ATP7B: variants seen among roughly 807,000 people sequenced by gnomAD.
The protein encoded by ATP7B is ATPase copper transporting beta.
ATP7B carries 113 observed loss-of-function variants against 118.9 expected under a neutral mutation model. That is an observed-to-expected ratio of 0.95 (90% CI 0.82 to 1.11). The LOEUF (loss-of-function observed/expected upper bound fraction) is 1.11, where lower values mean the gene tolerates loss of function less well. ATP7B is among the 50% of genes most tolerant of loss of function. The pLI is 0.00. For missense variants in ATP7B, 1,867 were observed against 1,871.4 expected, an observed-to-expected ratio of 1.00 and a Z score of 0.04; for synonymous variants, 777 against 727.4, an observed-to-expected ratio of 1.07 and a Z score of -1.10.
At chr13:51,943,755 G>T (rs747688184) in intron 14 of ATP7B, among the ~76,000 whole-genome samples, 1 of 152,034 alleles carries the variant, frequency 6.6e-6, no homozygotes, top group Non-Finnish European at 1.5e-5. Flanking sequence ...TTTCATGTTT[G>T]TGTCCCCTTG....
intron 8 of ATP7B, 111 bp from the exon 9 acceptor site, chr13:51,957,718 C>A: frequency 9.9e-7 from 1 of 1,006,494 alleles, no homozygotes; most frequent in Non-Finnish European, 1.6e-6. Flanking sequence ...GAGAAACAGC[C>A]GCACGGCACG....
intron 4 of ATP7B, among the ~76,000 whole-genome samples, chr13:51,968,239 C>T (rs1839819216): frequency 6.6e-6 from 1 of 152,198 alleles, no homozygotes; most frequent in Admixed American, 6.5e-5. Context: ...GGGATCCTCC[C>T]CATGACTGTT....
In ATP7B at chr13:51,934,330, C is replaced by G. The variant is rs893642668; in HGVS notation, c.*426G>C. ...GTCTCAGAAACATGATGCACACAGA[C>G]AGGCGTCATCAGAAAGACCCTGACA... On this transcript the variant is annotated 3_prime_UTR_variant, in exon 21 of 21. Transcript: ENST00000242839. 1.0e-5 allele frequency: 3 copies of G among 295,868 alleles called. No homozygotes were observed. The highest frequency in any genetic ancestry group is 2.0e-5 in the Non-Finnish European group (3 of 149,070). 18.3% of individuals were successfully genotyped at this position (295,868 alleles called of 1,614,324 possible). A position where few individuals can be genotyped will look rare whatever the true frequency, so the allele number is the denominator to read the frequency against.
chr13:51,937,151 AAAAC>A, intron 19 of ATP7B, 121 bp downstream of exon 19: 6 of 830,950 alleles, frequency 7.2e-6, no homozygotes, highest in Admixed American at 2.4e-5. Context: ...AAAAAAAAAA[AAAAC>A]AGCCTTTCTA....
intron 6 of ATP7B, 64 bp from the exon 7 acceptor site, chr13:51,960,386 C>T (rs1469350305): frequency 1.3e-6 from 2 of 1,571,688 alleles, no homozygotes; most frequent in African/African-American, 1.4e-5. Flanking sequence ...TTACAAGCCA[C>T]TCCCCTTCTG....
chr13:51,937,024 G>A (rs961009769), intron 19 of ATP7B, among the ~76,000 whole-genome samples: 1 of 151,860 alleles, frequency 6.6e-6, no homozygotes, highest in Admixed American at 6.6e-5. Flanking sequence ...ATAAAATAGG[G>A]ATCAGAAAAT....
At position 51,974,061 on chromosome 13, in the gene ATP7B, C is replaced by A. The variant is rs768188826; in HGVS notation, c.1159G>T (p.Val387Leu). The A allele has an allele frequency of 1.9e-6, 3 of 1,614,204 alleles. No individual in the cohort carries two copies. The highest frequency in any genetic ancestry group is 2.5e-6 in the Non-Finnish European group (3 of 1,180,054). ...GCCAAAGACACCGATATTTGCTGCACCCCTTCCAGTTGGGAGATCATGCCT... is the reference window on the plus strand; with the variant it reads ...GCCAAAGACACCGATATTTGCTGCAACCCTTCCAGTTGGGAGATCATGCCT... ...IEGMISQLEG[V>L]QQISVSLAEG... Residue 387 changes from valine to leucine, a missense_variant, in exon 2 of 21, where the codon GTG becomes TTG. Physicochemically the swap from Val to Leu is conservative, Grantham distance 32. Transcript: ENST00000242839.
At chr13:51,995,199 C>T in intron 1 of ATP7B, 1 of 755,216 alleles carries the variant, frequency 1.3e-6, no homozygotes, top group African/African-American at 1.9e-5. Flanking sequence ...CACTCTCATT[C>T]CGCTCCCCAG....
At chr13:51,972,379 C>T (rs1435351274) in intron 2 of ATP7B, among the ~76,000 whole-genome samples, 3 of 150,764 alleles carry the variant, frequency 2.0e-5, no homozygotes, top group African/African-American at 7.3e-5. Context: ...ATCTCACAAT[C>T]ACTCTTTCTA....
Position 51,958,398 on chromosome 13 carries a change from C to T in ATP7B, c.2268G>A (p.Ala756=), listed in dbSNP as rs755387536. ...CGAAGAATGTCACAGGGCTCCTCTC[C>T]GCCTTCTCAGCCACAGCAACCACCA... ...VILVVAVAEK[A]ERSPVTFFDT... The change falls in exon 8 of 21, where the codon GCG becomes GCA. Residue 756 remains alanine, a synonymous_variant. Coordinates refer to ENST00000242839, the MANE Select transcript of ATP7B (RefSeq NM_000053.4). 15 of 1,614,086 alleles carry T rather than the reference C, an allele frequency of 9.3e-6. No homozygotes were observed. The highest frequency in any genetic ancestry group is 6.7e-5 in the Admixed American group (4 of 60,004).
intron 1 of ATP7B, 89 bp downstream of exon 1, chr13:52,011,198 C>A (rs1954016034): frequency 3.1e-6 from 5 of 1,600,890 alleles, no homozygotes; most frequent in Non-Finnish European, 3.4e-6. Flanking sequence ...CTGCGCACCC[C>A]CTGGGGGCGA....
chr13:51,969,320 A>G (rs1480825078), intron 3 of ATP7B, among the ~76,000 whole-genome samples: 1 of 152,040 alleles, frequency 6.6e-6, no homozygotes, highest in Non-Finnish European at 1.5e-5. Context: ...TCCAGCTCCC[A>G]GGTGATGCTC....
At chr13:51,968,353 GA>G in intron 4 of ATP7B, 90 bp downstream of exon 4, 1 of 1,578,916 alleles carries the variant, frequency 6.3e-7, no homozygotes, top group South Asian at 1.1e-5. Context: ...ACACGTCCAA[GA>G]TGGGGAAATT....
At chr13:51,997,204 A>G (rs1953252332) in intron 1 of ATP7B, among the ~76,000 whole-genome samples, 1 of 152,228 alleles carries the variant, frequency 6.6e-6, no homozygotes, top group Non-Finnish European at 1.5e-5. Flanking sequence ...GGGCATCAGA[A>G]GTAGATTTTC....
Position 51,943,925 on chromosome 13 carries a change from T to TGGC in ATP7B, c.3243+183_3243+184insGCC, listed in dbSNP as rs879917441. On this transcript the variant is annotated intron_variant, in intron 14 of 20. Coordinates refer to ENST00000242839, the MANE Select transcript of ATP7B (RefSeq NM_000053.4). The stretch of plus-strand genomic sequence containing the variant: ...CTGTGACACTGAACTCCCTTTGTGA[T>TGGC]AACCTGGAACTGTGGCAAGGGCTGA... 0.037 allele frequency among the ~76,000 whole-genome samples: 5,584 copies of TGGC among 152,014 alleles called. 346 individuals carry two copies. The highest frequency in any genetic ancestry group is 0.13 in the African/African-American group (5,379 of 41,474).
intron 1 of ATP7B, among the ~76,000 whole-genome samples, chr13:51,977,751 T>C (rs1453017902): frequency 6.6e-6 from 1 of 152,144 alleles, no homozygotes; most frequent in Non-Finnish European, 1.5e-5. Flanking sequence ...TTACACCAGC[T>C]CACCAAAAAT....
At chr13:51,965,644 G>A (rs916237565) in intron 4 of ATP7B, among the ~76,000 whole-genome samples, 1 of 152,130 alleles carries the variant, frequency 6.6e-6, no homozygotes, top group African/African-American at 2.4e-5. Flanking sequence ...GGAGAAGCTC[G>A]AAAAAGACGA....
intron 1 of ATP7B, among the ~76,000 whole-genome samples, chr13:52,000,276 C>G (rs1162970585): frequency 2.6e-5 from 4 of 152,192 alleles, no homozygotes; most frequent in Non-Finnish European, 5.9e-5. Context: ...ATTCAGTATC[C>G]GGTGAAGGCT....
intron 6 of ATP7B, 65 bp downstream of exon 6, chr13:51,961,772 G>A (rs1353688234): frequency 2.0e-6 from 3 of 1,499,364 alleles, no homozygotes; most frequent in Non-Finnish European, 2.8e-6. Context: ...AGCTGGCAGA[G>A]TTGGGCCCAG....
Sources: gnomAD v4.1 joint callset for allele counts (sites outside exome capture counted in the v4.1 genomes callset) on GRCh38, gnomAD v4.1.1 for gene constraint, MANE v1.5 for transcripts, NCBI Gene and HGNC (gene_info 2026-07-23, HGNC 2026-07-21) for gene names.